Variants in GFOD2 observed in about 807,000 individuals in gnomAD.
The protein encoded by GFOD2 is Gfo/Idh/MocA-like oxidoreductase domain containing 2, also known as glucose-fructose oxidoreductase domain-containing protein 2.
In GFOD2, 9 loss-of-function variants were observed where a neutral mutation model predicts 24.6. That is an observed-to-expected ratio of 0.37 (90% CI 0.22 to 0.64). The LOEUF is 0.64. GFOD2 is among the 30% of genes least tolerant of loss of function. GFOD2 has a pLI of 0.65. For synonymous variants in GFOD2, 211 were observed against 224.8 expected (o/e 0.94, Z 0.55); for missense variants, 476 against 532.5 (o/e 0.89, Z 1.04).
chr16:67,687,509 T>A (rs369966166), intron 1 of GFOD2, among the ~76,000 whole-genome samples: 1 of 151,126 alleles, frequency 6.6e-6, no homozygotes, highest in Admixed American at 6.6e-5. Context: ...GTTGTGGTGG[T>A]GGGTGCCTGT....
intron 2 of GFOD2, chr16:67,685,023 T>A (rs1402233463): frequency 9.2e-7 from 1 of 1,087,364 alleles, no homozygotes; most frequent in Non-Finnish European, 1.1e-6. Context: ...CTCACTATAG[T>A]CAAACGCTGA....
At chr16:67,686,115 A>T (rs1032817045) in intron 1 of GFOD2, among the ~76,000 whole-genome samples, 2 of 152,062 alleles carry the variant, frequency 1.3e-5, no homozygotes. Flanking sequence ...TCTATTAAAA[A>T]ATATATATAT....
At chr16:67,687,522 T>C (rs2053276657) in intron 1 of GFOD2, among the ~76,000 whole-genome samples, 1 of 151,110 alleles carries the variant, frequency 6.6e-6, no homozygotes, top group Non-Finnish European at 1.5e-5. Flanking sequence ...GTGCCTGTAG[T>C]CCCAGCTACT....
chr16:67,685,451 G>A lies in GFOD2; in HGVS notation c.259+6C>T. 6.2e-7 allele frequency: 1 copy of A among 1,614,150 alleles called. No homozygotes were observed. Among genetic ancestry groups the A allele is most frequent in the Non-Finnish European group, 8.5e-7 (1 of 1,180,024 alleles). On this transcript the variant is annotated splice_donor_region_variant and intron_variant, in intron 2 of 2. Transcript: ENST00000268797. ...ATCTGCCCCTGCTGTGGCCTGCCGG[G>A]CGTACCTAGAGCCTTCACGGATATC...
intron 1 of GFOD2, among the ~76,000 whole-genome samples, chr16:67,699,624 C>G (rs2053385871): frequency 6.6e-6 from 1 of 152,008 alleles, no homozygotes; most frequent in African/African-American, 2.4e-5. Flanking sequence ...GCTGGGACCA[C>G]AGATGTGTAC....
rs543194086 is a variant in GFOD2 at position 67,687,632 on chromosome 16, C to G, written c.-87-1830G>C. 2.0e-4 allele frequency among the ~76,000 whole-genome samples: 26 copies of G among 128,392 alleles called. No individual in the cohort carries two copies. The South Asian group carries it at 3.4e-3, about 17-fold the overall frequency. 84.2% of individuals were successfully genotyped at this position (128,392 alleles called of 152,430 possible). A position where few individuals can be genotyped will look rare whatever the true frequency, so the allele number is the denominator to read the frequency against. ...CTCCAGCCTGGGCGACAGAGCAAGACTCCGTCTCAAAAAAAAAAAAAAAAA... is the reference window on the plus strand; with the variant it reads ...CTCCAGCCTGGGCGACAGAGCAAGAGTCCGTCTCAAAAAAAAAAAAAAAAA... On this transcript the variant is annotated intron_variant, in intron 1 of 2. Coordinates refer to ENST00000268797, the MANE Select transcript of GFOD2 (RefSeq NM_030819.4).
chr16:67,704,159 C>G lies in GFOD2; in HGVS notation c.-88+15004G>C, dbSNP rs139634178. 5.3e-5 allele frequency among the ~76,000 whole-genome samples: 8 copies of G among 152,268 alleles called. No individual in the cohort carries two copies. The East Asian group carries it at 1.5e-3, about 29-fold the overall frequency. On this transcript the variant is annotated intron_variant, in intron 1 of 2. Transcript: ENST00000268797. ...TAATGCTGCTATGAACTTGGGAGTACAAATTATAGTTTTTTGACCCCGAGT... is the reference window on the plus strand; with the variant it reads ...TAATGCTGCTATGAACTTGGGAGTAGAAATTATAGTTTTTTGACCCCGAGT...
At chr16:67,709,116 A>T (rs543698679) in intron 1 of GFOD2, among the ~76,000 whole-genome samples, 1 of 152,200 alleles carries the variant, frequency 6.6e-6, no homozygotes, top group African/African-American at 2.4e-5. Context: ...CAGCCTGGGC[A>T]ACATGGCAAA....
chr16:67,684,721 G>A, intron 2 of GFOD2: 1 of 972,740 alleles, frequency 1.0e-6, no homozygotes, highest in Non-Finnish European at 1.2e-6. Flanking sequence ...ATTGCTGGCT[G>A]AATGTTTACT....
chr16:67,687,147 CA>C (rs555830977), intron 1 of GFOD2, among the ~76,000 whole-genome samples: 172 of 49,726 alleles, frequency 3.5e-3, no homozygotes, highest in Middle Eastern at 9.4e-3. Flanking sequence ...GACTCCGTCA[CA>C]AAAAAAAAAA....
At chr16:67,680,931 C>A (rs2053220625) in intron 2 of GFOD2, 1 of 985,374 alleles carries the variant, frequency 1.0e-6, no homozygotes, top group African/African-American at 1.7e-5. Context: ...ACTAGCAGGA[C>A]AATAAAGAAC....
At chr16:67,681,906 A>C in intron 2 of GFOD2, 1 of 985,406 alleles carries the variant, frequency 1.0e-6, no homozygotes, top group African/African-American at 1.7e-5. Context: ...TCTGCTGGGC[A>C]CAGTGGCTCC....
chr16:67,674,664 T>A lies in GFOD2; in HGVS notation c.*491A>T, dbSNP rs925548903. Reference sequence around the variant, plus strand: ...GCTCACTTAATAAAGCAAGCCCCAGTCCCCACCTGGGAAGGGCCTGGTCAC... The same window carrying A: ...GCTCACTTAATAAAGCAAGCCCCAGACCCCACCTGGGAAGGGCCTGGTCAC... On this transcript the variant is annotated 3_prime_UTR_variant, in exon 3 of 3. Transcript: ENST00000268797. 2 of 155,130 alleles carry A rather than the reference T, an allele frequency of 1.3e-5. No individual in the cohort carries two copies. The highest frequency in any genetic ancestry group is 4.8e-5 in the African/African-American group (2 of 41,514). 9.6% of individuals were successfully genotyped at this position (155,130 alleles called of 1,614,324 possible).
chr16:67,681,412 C>G (rs1354528689), intron 2 of GFOD2: 5 of 985,110 alleles, frequency 5.1e-6, no homozygotes, highest in African/African-American at 1.7e-5. Context: ...CTTCTTGAAT[C>G]TGAAAAATAG....
intron 2 of GFOD2, chr16:67,683,858 T>A: frequency 3.3e-6 from 4 of 1,200,530 alleles, no homozygotes; most frequent in Non-Finnish European, 4.1e-6. Flanking sequence ...AAGGAGACAC[T>A]TGGCTCCTAT....
chr16:67,706,133 C>T (rs2053437775), intron 1 of GFOD2, among the ~76,000 whole-genome samples: 2 of 151,926 alleles, frequency 1.3e-5, no homozygotes, highest in East Asian at 2.0e-4. Flanking sequence ...CGTGCCACCA[C>T]GCCCAGCTAA....
chr16:67,715,784 T>G lies in GFOD2; in HGVS notation c.-88+3379A>C, dbSNP rs574994620. ...TTCCTAGATGTACTCTAATTCCAAT[T>G]GTGGATTTGTTCTAGAATTGGACCC... is the stretch of plus-strand genomic sequence containing the variant. On this transcript the variant is annotated intron_variant, in intron 1 of 2. Coordinates refer to ENST00000268797, the MANE Select transcript of GFOD2 (RefSeq NM_030819.4). 9.9e-5 allele frequency among the ~76,000 whole-genome samples: 15 copies of G among 151,720 alleles called. No individual in the cohort carries two copies. The South Asian group carries it at 3.1e-3, about 32-fold the overall frequency.
chr16:67,682,716 G>A (rs376163089), intron 2 of GFOD2: 75 of 985,258 alleles, frequency 7.6e-5, no homozygotes, highest in Admixed American at 1.2e-4. Context: ...AAATGATCTC[G>A]TGGCCTTAGA....
At chr16:67,695,510 G>A (rs1188378707) in intron 1 of GFOD2, among the ~76,000 whole-genome samples, 1 of 151,504 alleles carries the variant, frequency 6.6e-6, no homozygotes, top group African/African-American at 2.4e-5. Flanking sequence ...TGCAGCATTA[G>A]GTAAGTAGTG....
Sources: gnomAD v4.1 joint callset for allele counts (sites outside exome capture counted in the v4.1 genomes callset) on GRCh38, gnomAD v4.1.1 for gene constraint, MANE v1.5 for transcripts, NCBI Gene and HGNC (gene_info 2026-07-23, HGNC 2026-07-21) for gene names.